GRM7: variants seen among roughly 807,000 people sequenced by gnomAD.
The protein encoded by GRM7 is glutamate metabotropic receptor 7.
In GRM7, 35 loss-of-function variants were observed where a neutral mutation model predicts 84.5. The observed-to-expected ratio is 0.41, with a 90% CI of 0.32 to 0.55. The LOEUF (loss-of-function observed/expected upper bound fraction) is 0.55. GRM7 is among the 20% of genes least tolerant of loss of function. The pLI is 0.19. For missense variants in GRM7, 1,003 were observed against 1,194.6 expected (o/e 0.84, Z 2.36); for synonymous variants, 487 against 455.1 (o/e 1.07, Z -0.89).
intron 4 of GRM7, among the ~76,000 whole-genome samples, chr3:7,396,425 T>C (rs1695215163): frequency 6.6e-6 from 1 of 152,186 alleles, no homozygotes. Flanking sequence ...AAAAGACATC[T>C]GTTAAATCCT....
At chr3:7,692,098 T>C (rs1182384684) in intron 9 of GRM7, among the ~76,000 whole-genome samples, 1 of 152,168 alleles carries the variant, frequency 6.6e-6, no homozygotes, top group Non-Finnish European at 1.5e-5. Flanking sequence ...GGTACAACAA[T>C]CTCTATTTTC....
At chr3:6,876,729 G>C (rs1005670719) in intron 1 of GRM7, among the ~76,000 whole-genome samples, 5 of 151,604 alleles carry the variant, frequency 3.3e-5, no homozygotes, top group African/African-American at 7.3e-5. Context: ...AGCCACTGGA[G>C]AAGCTGGGAT....
intron 1 of GRM7, among the ~76,000 whole-genome samples, chr3:6,942,293 T>C (rs1328558834): frequency 1.3e-5 from 2 of 152,280 alleles, no homozygotes; most frequent in East Asian, 3.9e-4. Flanking sequence ...TAACAGCTTT[T>C]TGAGGTATAA....
At chr3:7,630,848 A>G (rs373750906) in intron 8 of GRM7, among the ~76,000 whole-genome samples, 1 of 152,334 alleles carries the variant, frequency 6.6e-6, no homozygotes, top group East Asian at 1.9e-4. Context: ...TGGATGTTAC[A>G]TAGTTTAAAT....
chr3:7,447,461 A>G (rs1697565905), intron 5 of GRM7, among the ~76,000 whole-genome samples: 1 of 152,188 alleles, frequency 6.6e-6, no homozygotes, highest in Non-Finnish European at 1.5e-5. Context: ...AAGCTTTAGT[A>G]AATGGGTGAA....
chr3:7,666,126 C>T (rs563974718), intron 8 of GRM7, among the ~76,000 whole-genome samples: 105 of 152,152 alleles, frequency 6.9e-4, no homozygotes, highest in Non-Finnish European at 1.0e-3. Flanking sequence ...GGGAGCATCA[C>T]GGAAGGAGAA....
chr3:7,212,367 C>A (rs746887138), intron 2 of GRM7, among the ~76,000 whole-genome samples: 1 of 151,838 alleles, frequency 6.6e-6, no homozygotes, highest in Non-Finnish European at 1.5e-5. Context: ...ATTCAATATC[C>A]ATTCATTCAT....
At chr3:7,205,139 C>T (rs986379450) in intron 2 of GRM7, among the ~76,000 whole-genome samples, 1 of 152,192 alleles carries the variant, frequency 6.6e-6, no homozygotes, top group Non-Finnish European at 1.5e-5. Flanking sequence ...TTTGTCCTTT[C>T]ATAATTTAAG....
At chr3:7,048,039 T>G (rs188672702) in intron 1 of GRM7, among the ~76,000 whole-genome samples, 1 of 151,992 alleles carries the variant, frequency 6.6e-6, no homozygotes, top group African/African-American at 2.4e-5. Flanking sequence ...TAATTCTTAG[T>G]CTCAGTTCAA....
At chr3:7,273,205 TAC>T (rs1312024792) in intron 2 of GRM7, among the ~76,000 whole-genome samples, 16 of 148,486 alleles carry the variant, frequency 1.1e-4, no homozygotes, top group African/African-American at 2.5e-4. Context: ...GTGGTCTAAA[TAC>T]ACAGACAGAC....
chr3:7,336,254 A>T lies in GRM7; in HGVS notation c.1033+29602A>T, dbSNP rs140162487. ...TTGGTTTAACATACGCAAGTCAATAAACTTGATATAGCACATAAACAGAAT... is the reference window on the plus strand; with the variant it reads ...TTGGTTTAACATACGCAAGTCAATATACTTGATATAGCACATAAACAGAAT... On this transcript the variant is annotated intron_variant, in intron 4 of 9. Transcript: ENST00000357716. Among the ~76,000 whole-genome samples the T allele has an allele frequency of 7.2e-4, 109 of 152,228 alleles. 3 individuals are homozygous for T. The highest frequency in any genetic ancestry group is 2.5e-3 in the African/African-American group (105 of 41,564).
chr3:7,352,768 C>A (rs1202941072), intron 4 of GRM7, among the ~76,000 whole-genome samples: 5 of 152,054 alleles, frequency 3.3e-5, no homozygotes, highest in Admixed American at 3.3e-4. Flanking sequence ...GCAGCAGCAC[C>A]TCCACCCATA....
chr3:6,934,528 C>T (rs17046403), intron 1 of GRM7, among the ~76,000 whole-genome samples: 9,779 of 152,158 alleles, frequency 0.064, 443 homozygotes, highest in East Asian at 0.2. Flanking sequence ...ACCATGAAGA[C>T]ATTAGAATGA....
At chr3:7,194,294 C>A (rs1695810954) in intron 2 of GRM7, among the ~76,000 whole-genome samples, 1 of 152,106 alleles carries the variant, frequency 6.6e-6, no homozygotes, top group African/African-American at 2.4e-5. Flanking sequence ...AATTTCTCCT[C>A]ATTGAAATAG....
At chr3:7,521,267 G>A (rs1048974712) in intron 7 of GRM7, among the ~76,000 whole-genome samples, 25 of 152,246 alleles carry the variant, frequency 1.6e-4, no homozygotes, top group African/African-American at 5.5e-4. Context: ...TTGGTGCATG[G>A]CCAGGTAAAA....
At chr3:7,435,170 T>C (rs566193521) in intron 5 of GRM7, among the ~76,000 whole-genome samples, 1 of 152,024 alleles carries the variant, frequency 6.6e-6, no homozygotes, top group Admixed American at 6.6e-5. Context: ...TTTTCTTTTT[T>C]TTTTTGGGCG....
rs1007743861 is a variant in GRM7, at chr3:7,452,750, A to G, written c.1318A>G (p.Met440Val). ...TGACTACCGGGGTGTCTGCCCAGAGATGGAGCAAGCTGGAGGCAAGAAGTT... is the reference window on the plus strand; with the variant it reads ...TGACTACCGGGGTGTCTGCCCAGAGGTGGAGCAAGCTGGAGGCAAGAAGTT... ...CADYRGVCPE[M>V]EQAGGKKLLK... Residue 440 changes from methionine to valine, a missense_variant, in exon 6 of 10, where the codon ATG becomes GTG. Coordinates refer to ENST00000357716, the MANE Select transcript of GRM7 (RefSeq NM_000844.4). 13 of 1,613,608 alleles carry G rather than the reference A, an allele frequency of 8.1e-6. No individual in the cohort carries two copies. The highest frequency in any genetic ancestry group is 1.1e-5 in the South Asian group (1 of 91,070).
intron 1 of GRM7, among the ~76,000 whole-genome samples, chr3:6,933,095 T>A (rs989548710): frequency 1.3e-5 from 2 of 152,178 alleles, no homozygotes; most frequent in East Asian, 1.9e-4. Context: ...GAGGGAGGGA[T>A]GAATGAAGAA....
At chr3:7,277,221 TA>T (rs1340405641) in intron 2 of GRM7, among the ~76,000 whole-genome samples, 1 of 152,082 alleles carries the variant, frequency 6.6e-6, no homozygotes, top group Non-Finnish European at 1.5e-5. Flanking sequence ...CTGGGTAAGT[TA>T]TTTCTAGACT....
Sources: gnomAD v4.1 joint callset for allele counts (sites outside exome capture counted in the v4.1 genomes callset) on GRCh38, gnomAD v4.1.1 for gene constraint, MANE v1.5 for transcripts, NCBI Gene and HGNC (gene_info 2026-07-23, HGNC 2026-07-21) for gene names.